Variants in NXN observed in about 807,000 individuals in gnomAD.
The protein encoded by NXN is nucleoredoxin, also known as nucleoredoxin 1.
NXN carries 16 observed loss-of-function variants against 48.6 expected under a neutral mutation model. That is an observed-to-expected ratio of 0.33 (90% confidence interval 0.22 to 0.50). NXN has a LOEUF of 0.50. NXN is among the 20% of genes least tolerant of loss of function. The pLI is 0.98. For synonymous variants in NXN, 281 were observed against 269.6 expected (o/e 1.04, Z -0.41); for missense variants, 492 against 605.5 (o/e 0.81, Z 1.97).
intron 1 of NXN, among the ~76,000 whole-genome samples, chr17:837,423 T>C (rs1487909411): frequency 2.0e-5 from 3 of 152,202 alleles, no homozygotes; most frequent in African/African-American, 7.2e-5. Flanking sequence ...CTAGTATACC[T>C]GCTGGCCAAG....
At chr17:833,374 G>A (rs981578592) in intron 1 of NXN, among the ~76,000 whole-genome samples, 1 of 152,082 alleles carries the variant, frequency 6.6e-6, no homozygotes, top group Non-Finnish European at 1.5e-5. Context: ...ATCAGAAGGC[G>A]ACCCTTCTGT....
chr17:803,135 C>T (rs921532983), intron 7 of NXN, among the ~76,000 whole-genome samples: 18 of 152,292 alleles, frequency 1.2e-4, no homozygotes, highest in African/African-American at 4.3e-4. Flanking sequence ...ACTTTCCCAC[C>T]CTGTGAAGAG....
chr17:850,512 C>A (rs923959230), intron 1 of NXN, among the ~76,000 whole-genome samples: 7 of 152,160 alleles, frequency 4.6e-5, no homozygotes, highest in African/African-American at 1.7e-4. Context: ...CACAAACTTG[C>A]CAAGAAATGC....
chr17:924,674 C>T (rs8072252), intron 1 of NXN, among the ~76,000 whole-genome samples: 137,576 of 152,270 alleles, frequency 0.9, 62,637 homozygotes, highest in East Asian at 1. Context: ...CCAGAACTTT[C>T]CATCTTCCCA....
chr17:807,847 G>A (rs1391395832), intron 5 of NXN, among the ~76,000 whole-genome samples: 1 of 152,276 alleles, frequency 6.6e-6, no homozygotes, highest in Non-Finnish European at 1.5e-5. Flanking sequence ...TGAACCAGGG[G>A]CGGGAAACGG....
intron 1 of NXN, among the ~76,000 whole-genome samples, chr17:965,395 T>G (rs756039995): frequency 2.0e-5 from 3 of 152,204 alleles, no homozygotes; most frequent in African/African-American, 7.2e-5. Context: ...AAGGGATCTG[T>G]TAGAAGCAAG....
rs544374751 is a variant in NXN, at chr17:825,139, G to A, written c.478+822C>T. Reference sequence around the variant, plus strand: ...CCAGCTACACGGGAGGATGAGTTGAGCTCAGGAGGTCGAGGCTGCAGTGAA... The same window carrying A: ...CCAGCTACACGGGAGGATGAGTTGAACTCAGGAGGTCGAGGCTGCAGTGAA... On this transcript the variant is annotated intron_variant, in intron 2 of 7. Transcript: ENST00000336868. The surrounding 1 kb of genome is among the most constrained non-coding windows in gnomAD (Gnocchi z 4.1). 7.9e-5 allele frequency among the ~76,000 whole-genome samples: 12 copies of A among 151,568 alleles called. No individual in the cohort carries two copies. The highest frequency in any genetic ancestry group is 2.4e-4 in the African/African-American group (10 of 41,308).
At chr17:840,787 A>G (rs1914123081) in intron 1 of NXN, among the ~76,000 whole-genome samples, 1 of 152,152 alleles carries the variant, frequency 6.6e-6, no homozygotes, top group South Asian at 2.1e-4. Context: ...ATGTGTGTCC[A>G]TGGCAAGCCG....
chr17:802,933 A>T (rs1340079648), intron 7 of NXN, among the ~76,000 whole-genome samples: 1 of 88,470 alleles, frequency 1.1e-5, no homozygotes, highest in East Asian at 3.2e-4. Flanking sequence ...ACTGTCTGTC[A>T]GTCAGTGGGG....
intron 1 of NXN, among the ~76,000 whole-genome samples, chr17:879,366 T>C (rs1456511231): frequency 2.7e-5 from 4 of 149,968 alleles, no homozygotes; most frequent in Non-Finnish European, 5.9e-5. Flanking sequence ...CTCAGCTCAC[T>C]ATAGCCTCCG....
At chr17:881,531 C>T (rs2068284008) in intron 1 of NXN, among the ~76,000 whole-genome samples, 1 of 152,166 alleles carries the variant, frequency 6.6e-6, no homozygotes, top group Non-Finnish European at 1.5e-5. Context: ...CTGGTCAGTA[C>T]AACCACTTTG....
At chr17:943,241 G>A (rs17842067) in intron 1 of NXN, among the ~76,000 whole-genome samples, 9,713 of 152,260 alleles carry the variant, frequency 0.064, 486 homozygotes, top group East Asian at 0.13. Flanking sequence ...CAACTGAGGT[G>A]CTTGTCCTGC....
chr17:818,712 C>T (rs1597626025), intron 5 of NXN, among the ~76,000 whole-genome samples: 2 of 152,026 alleles, frequency 1.3e-5, no homozygotes, highest in Admixed American at 1.3e-4. Flanking sequence ...GGTGAAACCC[C>T]ATCTCTACTA....
At chr17:867,351 G>C (rs1420306210) in intron 1 of NXN, among the ~76,000 whole-genome samples, 1 of 146,952 alleles carries the variant, frequency 6.8e-6, no homozygotes, top group African/African-American at 2.5e-5. Flanking sequence ...TGGTCAGCAA[G>C]TTCTCGGGGT....
chr17:854,516 G>A (rs572514014), intron 1 of NXN, among the ~76,000 whole-genome samples: 9 of 151,856 alleles, frequency 5.9e-5, no homozygotes, highest in South Asian at 2.1e-4. Flanking sequence ...TTAGCCAGGC[G>A]TGGTGGCGGG....
chr17:842,466 C>T (rs970389758), intron 1 of NXN: 3 of 974,824 alleles, frequency 3.1e-6, no homozygotes, highest in South Asian at 4.7e-5. Flanking sequence ...GGGAAGGCCA[C>T]GTGGGTTACT....
chr17:812,998 G>C (rs1213381995), intron 5 of NXN, among the ~76,000 whole-genome samples: 1 of 152,010 alleles, frequency 6.6e-6, no homozygotes, highest in Admixed American at 6.6e-5. Flanking sequence ...GAATGTAGGT[G>C]TTTGCATGTG....
intron 1 of NXN, among the ~76,000 whole-genome samples, chr17:841,702 C>CCACA (rs1279825837): frequency 7.3e-6 from 1 of 137,708 alleles, no homozygotes; most frequent in Non-Finnish European, 1.5e-5. Flanking sequence ...CATCTCACGC[C>CCACA]GGTGAGCAGG....
intron 3 of NXN, among the ~76,000 whole-genome samples, chr17:823,090 A>C (rs1235915533): frequency 7.6e-6 from 1 of 132,348 alleles, no homozygotes. Flanking sequence ...ACAGAGCAAG[A>C]CTCTGTCTCA....
Sources: allele counts gnomAD v4.1 joint callset (sites outside exome capture counted in the v4.1 genomes callset), GRCh38; gene constraint gnomAD v4.1.1; non-coding constraint Gnocchi (gnomAD v3.1); transcripts MANE v1.5; gene names NCBI Gene and HGNC (gene_info 2026-07-23, HGNC 2026-07-21).